Variants in ZMYM4 observed in about 807,000 individuals in gnomAD.
ZMYM4 encodes the protein zinc finger MYM-type protein 4.
ZMYM4 carries 31 observed loss-of-function variants against 183.2 expected under a neutral mutation model. The ratio of observed to expected loss-of-function variants is 0.17; its 90% CI spans 0.13 to 0.23. The LOEUF (loss-of-function observed/expected upper bound fraction) is 0.23. Among genes scored for constraint, ZMYM4 ranks in the 10% least tolerant of loss-of-function variants. The probability of loss-of-function intolerance (pLI) is 1.00; values close to 1 mark genes in which losing one functional copy is unlikely to be tolerated. For missense variants in ZMYM4, 1,273 were observed against 1,840.3 expected (o/e 0.69, Z 5.64); for synonymous variants, 592 against 631.2 (o/e 0.94, Z 0.93).
At chr1:35,312,525 T>A (rs1326729178) in intron 1 of ZMYM4, among the ~76,000 whole-genome samples, 1 of 152,232 alleles carries the variant, frequency 6.6e-6, no homozygotes, top group East Asian at 1.9e-4. Context: ...CTTTTTAAAG[T>A]CTGCGTAGAA....
intron 1 of ZMYM4, among the ~76,000 whole-genome samples, chr1:35,280,978 A>ATT (rs907898747): frequency 6.6e-6 from 1 of 152,058 alleles, no homozygotes. Flanking sequence ...TTAAAAATTG[A>ATT]TTTTTTTATA....
intron 2 of ZMYM4, among the ~76,000 whole-genome samples, chr1:35,331,676 A>G (rs1349401788): frequency 2.0e-5 from 3 of 151,906 alleles, no homozygotes; most frequent in Admixed American, 6.6e-5. Flanking sequence ...AATCCCAGCT[A>G]TCTGGGAGGC....
At chr1:35,279,806 T>C (rs1428932780) in intron 1 of ZMYM4, among the ~76,000 whole-genome samples, 1 of 152,150 alleles carries the variant, frequency 6.6e-6, no homozygotes, top group Non-Finnish European at 1.5e-5. Flanking sequence ...CAGTTCCCAG[T>C]CACATATTCT....
intron 1 of ZMYM4, among the ~76,000 whole-genome samples, chr1:35,317,517 G>A (rs75408990): frequency 0.021 from 3,192 of 152,232 alleles, 110 homozygotes; most frequent in African/African-American, 0.073. Context: ...AGTCAATTTG[G>A]CTAGCATTCA....
chr1:35,398,987 T>G lies in ZMYM4; in HGVS notation c.3377T>G (p.Leu1126Trp). The G allele has an allele frequency of 6.2e-7, 1 of 1,614,146 alleles. No homozygotes were observed. Among genetic ancestry groups the G allele is most frequent in the South Asian group, 1.1e-5 (1 of 91,078 alleles). Residue 1126 changes from leucine to tryptophan, a missense_variant, in exon 22 of 30, where the codon TTG becomes TGG. By Grantham distance (61) the Leu-to-Trp change is moderately conservative. Transcript: ENST00000314607. ...GCTGTGCAAGAGGCTGATTCAGAAT[T>G]GAAGCAGTTCTCAAAAGGGGAAACT... ...SNAVQEADSE[L>W]KQFSKGETEQ...
Position 35,389,781 on chromosome 1 carries a change from A to ATATATGTGTGTGTGTG in ZMYM4, c.2437-166_2437-165insATATGTGTGTGTGTGT, listed in dbSNP as rs1553179061. ...AAAAAAAAAAAAAATATATATATAT[A>ATATATGTGTGTGTGTG]TGTGTGTGTGTGTGTGTGTGTGTGT... On this transcript the variant is annotated intron_variant, in intron 14 of 29. Transcript: ENST00000314607. The surrounding 1 kb of genome is among the most constrained non-coding windows in gnomAD (Gnocchi z 4.0). Among the ~76,000 whole-genome samples, 10 of 141,474 alleles carry ATATATGTGTGTGTGTG rather than the reference A, an allele frequency of 7.1e-5. No homozygotes were observed. Among genetic ancestry groups the ATATATGTGTGTGTGTG allele is most frequent in the East Asian group, 6.4e-4 (3 of 4,696 alleles). The allele number at this position is 141,474 out of a possible 152,430, so 92.8% of individuals were successfully genotyped here.
intron 1 of ZMYM4, among the ~76,000 whole-genome samples, chr1:35,286,042 A>C (rs1344235631): frequency 6.6e-6 from 1 of 152,212 alleles, no homozygotes; most frequent in East Asian, 1.9e-4. Context: ...AGTTCTAGCC[A>C]GAAGTTAAGC....
chr1:35,372,447 G>C (rs542339), intron 7 of ZMYM4, among the ~76,000 whole-genome samples: 36,698 of 152,054 alleles, frequency 0.24, 9,131 homozygotes, highest in East Asian at 0.77. Context: ...AATTGAAGAT[G>C]TATTGTACAA....
chr1:35,289,739 A>G (rs74447596), intron 1 of ZMYM4, among the ~76,000 whole-genome samples: 2,051 of 152,184 alleles, frequency 0.013, 48 homozygotes, highest in African/African-American at 0.047. Flanking sequence ...CTGCCCCACT[A>G]GTTGTGGTAA....
intron 5 of ZMYM4, among the ~76,000 whole-genome samples, chr1:35,368,613 G>A (rs888582347): frequency 6.6e-6 from 1 of 152,014 alleles, no homozygotes; most frequent in South Asian, 2.1e-4. Context: ...ATTTTTTGGG[G>A]AGGAAAACAA....
chr1:35,407,518 G>C (rs1645026203), intron 25 of ZMYM4, among the ~76,000 whole-genome samples: 1 of 151,748 alleles, frequency 6.6e-6, no homozygotes, highest in Non-Finnish European at 1.5e-5. Context: ...ATTAAGCACT[G>C]TGAATTCTTC....
Position 35,393,587 on chromosome 1 carries a change from T to C in ZMYM4, c.2767-8T>C. 1.9e-6 allele frequency: 3 copies of C among 1,564,682 alleles called. No individual in the cohort carries two copies. The highest frequency in any genetic ancestry group is 2.6e-6 in the Non-Finnish European group (3 of 1,161,508). ...ATGTTTTTGGTTTCTAATTTGTTTT[T>C]TTACTAGGCAAGTACTCAAACAGAT... is the stretch of plus-strand genomic sequence containing the variant. On this transcript the variant is annotated splice_region_variant and splice_polypyrimidine_tract_variant and intron_variant, in intron 17 of 29. Transcript: ENST00000314607.
At chr1:35,363,637 G>C (rs573839154) in intron 5 of ZMYM4, among the ~76,000 whole-genome samples, 1 of 152,164 alleles carries the variant, frequency 6.6e-6, no homozygotes, top group African/African-American at 2.4e-5. Flanking sequence ...TATAGGAGTT[G>C]GATGGATATG....
intron 12 of ZMYM4, 73 bp downstream of exon 12, chr1:35,387,351 C>A: frequency 6.3e-7 from 1 of 1,577,968 alleles, no homozygotes; most frequent in East Asian, 2.2e-5. Flanking sequence ...TTTAACTTTG[C>A]ATCTCTCAAA....
chr1:35,362,815 A>G (rs1643971515), intron 5 of ZMYM4, among the ~76,000 whole-genome samples: 1 of 151,844 alleles, frequency 6.6e-6, no homozygotes, highest in Admixed American at 6.6e-5. Context: ...TGAACCTCCC[A>G]GCTCAGCCTC....
chr1:35,378,208 T>C (rs1644375981), intron 7 of ZMYM4, among the ~76,000 whole-genome samples: 1 of 152,192 alleles, frequency 6.6e-6, no homozygotes, highest in Non-Finnish European at 1.5e-5. Context: ...TCCACAGAAG[T>C]CTCAAACTCC....
At position 35,361,651 on chromosome 1, in the gene ZMYM4, C is replaced by T. The variant is rs1643938618; in HGVS notation, c.702C>T (p.Ser234=). Residue 234 remains serine (S), a synonymous_variant, in exon 5 of 30, where the codon TCC becomes TCT. Coordinates refer to ENST00000314607, the MANE Select transcript of ZMYM4 (RefSeq NM_005095.3). ...GCTACCCATTTGCCAATAAAGAATC[C>T]ATTGGTTCGGAACTGGGGAATTCCT... is the stretch of plus-strand genomic sequence containing the variant. ...DSSYPFANKE[S]IGSELGNSFA... 1 of 1,612,754 alleles carries T rather than the reference C, an allele frequency of 6.2e-7. No individual in the cohort carries two copies. Among genetic ancestry groups the T allele is most frequent in the East Asian group, 2.2e-5 (1 of 44,800 alleles).
In ZMYM4 at chr1:35,390,076, C is replaced by T; in HGVS notation, c.2565C>T (p.Asp855=). ...TCTGTAATCAGCAAAGTGTATGTGA[C>T]CCGCCTTCACAAAATAATGCAGGTA... ...LMFCNQQSVC[D]PPSQNNAANI... is the part of the protein sequence containing the mutation. Residue 855 remains aspartate, a synonymous_variant, in exon 15 of 30, where the codon GAC becomes GAT. Coordinates refer to ENST00000314607, the MANE Select transcript of ZMYM4 (RefSeq NM_005095.3). 6.2e-7 allele frequency: 1 copy of T among 1,613,380 alleles called. No homozygotes were observed. The highest frequency in any genetic ancestry group is 8.5e-7 in the Non-Finnish European group (1 of 1,179,680).
At position 35,419,466 on chromosome 1, in the gene ZMYM4, A is replaced by C; in HGVS notation, c.4440-4A>C. 3 of 1,610,654 alleles carry C rather than the reference A, an allele frequency of 1.9e-6. No homozygotes were observed. Among genetic ancestry groups the C allele is most frequent in the Non-Finnish European group, 1.7e-6 (2 of 1,179,130 alleles). On this transcript the variant is annotated splice_polypyrimidine_tract_variant and splice_region_variant and intron_variant, in intron 29 of 29. Coordinates refer to ENST00000314607, the MANE Select transcript of ZMYM4 (RefSeq NM_005095.3). ...TTCTCTTTTTTTTTTTCCCCTGTGG[A>C]TAGTTCTGAAAGTGTGAAGCAAAGG... is the stretch of plus-strand genomic sequence containing the variant.
Sources: allele counts gnomAD v4.1 joint callset (sites outside exome capture counted in the v4.1 genomes callset), GRCh38; gene constraint gnomAD v4.1.1; non-coding constraint Gnocchi (gnomAD v3.1); transcripts MANE v1.5; gene names NCBI Gene and HGNC (gene_info 2026-07-23, HGNC 2026-07-21).